The following STK10 variants were observed in gnomAD, a reference collection of about 807,000 sequenced individuals.
STK10 encodes serine/threonine-protein kinase 10.
In STK10, 78 loss-of-function variants were observed where a neutral mutation model predicts 113.8. The ratio of observed to expected loss-of-function variants is 0.69; its 90% CI spans 0.57 to 0.83. STK10 has a LOEUF of 0.83. STK10 is among the 40% of genes least tolerant of loss of function. The pLI is 0.00. For missense variants in STK10, 1,109 were observed against 1,280.1 expected (o/e 0.87, Z 2.04); for synonymous variants, 465 against 494.7 (o/e 0.94, Z 0.80).
chr5:172,170,998 G>A (rs1770657376), intron 1 of STK10, among the ~76,000 whole-genome samples: 1 of 152,196 alleles, frequency 6.6e-6, no homozygotes, highest in African/African-American at 2.4e-5. Context: ...GCCTGCATGT[G>A]TTTAAGACAC....
chr5:172,152,712 G>C (rs1387696192), intron 2 of STK10, among the ~76,000 whole-genome samples: 2 of 152,198 alleles, frequency 1.3e-5, no homozygotes, highest in Admixed American at 1.3e-4. Flanking sequence ...TTGGGTGTGT[G>C]AATCTACCTT....
At chr5:172,111,934 A>G in intron 4 of STK10, among the ~76,000 whole-genome samples, 1 of 152,266 alleles carries the variant, frequency 6.6e-6, no homozygotes, top group East Asian at 1.9e-4. Flanking sequence ...TTCTATTTGT[A>G]GAAATCCATC....
intron 12 of STK10, among the ~76,000 whole-genome samples, chr5:172,078,504 A>T (rs925314738): frequency 2.6e-5 from 4 of 151,646 alleles, no homozygotes; most frequent in East Asian, 3.9e-4. Flanking sequence ...AAATTTTTTT[A>T]AAAAATTAGC....
chr5:172,117,842 A>G (rs3103576), intron 3 of STK10, among the ~76,000 whole-genome samples: 15,730 of 151,696 alleles, frequency 0.1, 1,454 homozygotes, highest in African/African-American at 0.25. Flanking sequence ...TTGAAATCCC[A>G]CCTCTACTAA....
At chr5:172,115,776 A>C (rs1769371065) in intron 4 of STK10, among the ~76,000 whole-genome samples, 1 of 152,220 alleles carries the variant, frequency 6.6e-6, no homozygotes, top group Admixed American at 6.5e-5. Flanking sequence ...GTGGCTTTTG[A>C]GAATGGAATG....
In STK10 at chr5:172,053,140, C is replaced by T. The variant is rs543005754; in HGVS notation, c.2653-98G>A. The T allele has an allele frequency of 5.8e-5, 50 of 854,876 alleles. 1 individual carries two copies. Among genetic ancestry groups the T allele is most frequent in the African/African-American group, 2.0e-4 (12 of 58,876 alleles). 53.0% of individuals were successfully genotyped at this position (854,876 alleles called of 1,614,324 possible). On this transcript the variant is annotated intron_variant, in intron 17 of 18. Transcript: ENST00000176763. ...GCTGTGGCTACGAGGGCACCAGCAT[C>T]GTTCATTTATTATTTCTTCTTGACT...
intron 18 of STK10, among the ~76,000 whole-genome samples, chr5:172,050,352 G>C (rs1192303681): frequency 6.6e-6 from 1 of 152,122 alleles, no homozygotes; most frequent in Non-Finnish European, 1.5e-5. Context: ...ATCTTGAGTT[G>C]TGGGCTGAAC....
chr5:172,046,322 A>C (rs1018662627), intron 18 of STK10, among the ~76,000 whole-genome samples: 9 of 147,892 alleles, frequency 6.1e-5, no homozygotes, highest in Non-Finnish European at 1.0e-4. Context: ...GTGCCACTGC[A>C]CTCTAGCCTG....
chr5:172,064,515 A>G (rs939301023), intron 13 of STK10: 5 of 603,894 alleles, frequency 8.3e-6, no homozygotes, highest in East Asian at 2.8e-5. Context: ...GAGATGGAAG[A>G]GCTTACTTCC....
chr5:172,163,788 C>T (rs77501005), intron 1 of STK10, among the ~76,000 whole-genome samples: 6,621 of 152,218 alleles, frequency 0.043, 500 homozygotes, highest in African/African-American at 0.15. Flanking sequence ...CACCCTTCCC[C>T]GATTTTTCTT....
At chr5:172,137,175 C>T (rs943580318) in intron 2 of STK10, among the ~76,000 whole-genome samples, 2 of 152,150 alleles carry the variant, frequency 1.3e-5, no homozygotes, top group African/African-American at 2.4e-5. Context: ...TAACTATAAA[C>T]GTCTTAGGGC....
Position 172,170,122 on chromosome 5 carries a change from C to CT in STK10, c.157-13335dup, listed in dbSNP as rs11347358. Among the ~76,000 whole-genome samples the CT allele has an allele frequency of 3.2e-3, 380 of 119,388 alleles. 2 individuals carry two copies. The highest frequency in any genetic ancestry group is 0.013 in the South Asian group (52 of 3,970). The allele number at this position is 119,388 out of a possible 152,430, so 78.3% of individuals were successfully genotyped here. A position where few individuals can be genotyped will look rare whatever the true frequency, so the allele number is the denominator to read the frequency against. ...TCATGGCAGACACTCAGTATGTATC[C>CT]TTTTTTTTTTTTTTTTCAGTATGTA... On this transcript the variant is annotated intron_variant, in intron 1 of 18. Coordinates refer to ENST00000176763, the MANE Select transcript of STK10 (RefSeq NM_005990.4).
intron 3 of STK10, among the ~76,000 whole-genome samples, chr5:172,119,769 C>G (rs956260535): frequency 7.5e-5 from 11 of 147,180 alleles, no homozygotes; most frequent in Non-Finnish European, 1.5e-4. Context: ...GAGGCTGAGG[C>G]AGGAGAATGG....
intron 2 of STK10, among the ~76,000 whole-genome samples, chr5:172,151,595 C>T (rs1403999364): frequency 1.3e-5 from 2 of 152,182 alleles, no homozygotes; most frequent in Admixed American, 6.5e-5. Context: ...CCACCCACCT[C>T]GGCCTCCCAA....
At chr5:172,158,069 G>A (rs995639429) in intron 1 of STK10, among the ~76,000 whole-genome samples, 1 of 151,916 alleles carries the variant, frequency 6.6e-6, no homozygotes, top group Non-Finnish European at 1.5e-5. Context: ...GGAATAAGAG[G>A]GTAAGAAAAC....
chr5:172,108,044 C>T (rs1158068036), intron 4 of STK10, 192 bp from the exon 5 acceptor site: 13 of 529,740 alleles, frequency 2.5e-5, no homozygotes, highest in Admixed American at 3.5e-5. Context: ...TTCCTCTCTA[C>T]TAACGAGAGC....
At chr5:172,059,222 A>G (rs1767876613) in intron 14 of STK10, among the ~76,000 whole-genome samples, 1 of 152,028 alleles carries the variant, frequency 6.6e-6, no homozygotes, top group Non-Finnish European at 1.5e-5. Context: ...GGAGTTCAAG[A>G]CCGGCCTGGC....
At chr5:172,176,018 G>A (rs1428127272) in intron 1 of STK10, among the ~76,000 whole-genome samples, 1 of 152,136 alleles carries the variant, frequency 6.6e-6, no homozygotes, top group African/African-American at 2.4e-5. Context: ...ACAGGGCCTG[G>A]CACAAGTAGG....
chr5:172,166,321 G>A (rs778518673), intron 1 of STK10, among the ~76,000 whole-genome samples: 4 of 152,184 alleles, frequency 2.6e-5, no homozygotes, highest in Admixed American at 6.5e-5. Context: ...GACTCTACCC[G>A]TAGACTTCTC....
Sources: allele counts gnomAD v4.1 joint callset (sites outside exome capture counted in the v4.1 genomes callset), GRCh38; gene constraint gnomAD v4.1.1; transcripts MANE v1.5; gene names NCBI Gene and HGNC (gene_info 2026-07-23, HGNC 2026-07-21).